FHIP2A: variants seen among roughly 807,000 people sequenced by gnomAD.
FHIP2A encodes the protein family with sequence similarity 160 member B1.
Under a neutral mutation model 93.5 loss-of-function variants are expected in FHIP2A, and 46 were observed. The ratio of observed to expected loss-of-function variants is 0.49; its 90% CI spans 0.39 to 0.63. The LOEUF (loss-of-function observed/expected upper bound fraction) is 0.63. Ranked by LOEUF, FHIP2A falls within the 20% of genes least tolerant of loss-of-function variation. FHIP2A has a pLI of 0.00. For missense variants in FHIP2A, 769 were observed against 909.7 expected, an observed-to-expected ratio of 0.85 and a Z score of 1.99; for synonymous variants, 332 against 326.5, an observed-to-expected ratio of 1.02 and a Z score of -0.18.
At chr10:114,847,836 T>C (rs1592020617) in intron 12 of FHIP2A, among the ~76,000 whole-genome samples, 2 of 150,058 alleles carry the variant, frequency 1.3e-5, no homozygotes, top group East Asian at 2.0e-4. Flanking sequence ...AACTTCCGTC[T>C]CCCGGGTTCA....
At chr10:114,846,815 A>G in intron 11 of FHIP2A, 87 bp downstream of exon 11, 1 of 1,222,898 alleles carries the variant, frequency 8.2e-7, no homozygotes, top group East Asian at 2.4e-5. Flanking sequence ...CTTATCCTCA[A>G]AAGAAATACC....
At position 114,845,501 on chromosome 10, in the gene FHIP2A, T is replaced by A. The variant is rs1243239839; in HGVS notation, c.1128+20T>A. 1 of 1,418,892 alleles carries A rather than the reference T, an allele frequency of 7.0e-7. No homozygotes were observed. Among genetic ancestry groups the A allele is most frequent in the Admixed American group, 1.8e-5 (1 of 56,298 alleles). 87.9% of individuals were successfully genotyped at this position (1,418,892 alleles called of 1,614,324 possible). A position where few individuals can be genotyped will look rare whatever the true frequency, so the allele number is the denominator to read the frequency against. On this transcript the variant is annotated intron_variant, in intron 8 of 16. Coordinates refer to ENST00000369248, the MANE Select transcript of FHIP2A (RefSeq NM_020940.4). ...CAAAAGGTTTGTAATTTTTTATTGT[T>A]TTTTGATCATTTTAAGATATAAATA...
chr10:114,841,449 C>T (rs1215802708), intron 5 of FHIP2A, among the ~76,000 whole-genome samples: 3 of 151,936 alleles, frequency 2.0e-5, no homozygotes, highest in East Asian at 1.9e-4. Flanking sequence ...CATGCCACCA[C>T]GCCCAGCTAA....
downstream of FHIP2A, among the ~76,000 whole-genome samples, chr10:114,866,710 A>T (rs1465239970): frequency 1.3e-5 from 2 of 152,232 alleles, no homozygotes; most frequent in Non-Finnish European, 2.9e-5. Flanking sequence ...TATAGTGCAC[A>T]CTGGTGAACA....
chr10:114,828,188 G>A (rs1478519063), intron 1 of FHIP2A, among the ~76,000 whole-genome samples: 2 of 152,132 alleles, frequency 1.3e-5, no homozygotes, highest in African/African-American at 4.8e-5. Flanking sequence ...TAACTCTCTA[G>A]TTAAATAGGT....
chr10:114,861,570 G>A lies in FHIP2A; in HGVS notation c.*30G>A. 2 of 1,608,400 alleles carry A rather than the reference G, an allele frequency of 1.2e-6. No individual in the cohort carries two copies. The highest frequency in any genetic ancestry group is 1.7e-6 in the Non-Finnish European group (2 of 1,178,520). On this transcript the variant is annotated 3_prime_UTR_variant, in exon 17 of 17. Coordinates refer to ENST00000369248, the MANE Select transcript of FHIP2A (RefSeq NM_020940.4). ...CATCTTTCATGTAACTGGGGGAACA[G>A]AACTACTGTGTACATTTCACCAAAA...
chr10:114,882,729 G>A (rs1310226536), intron 16 of FHIP2A, among the ~76,000 whole-genome samples: 9 of 152,224 alleles, frequency 5.9e-5, no homozygotes, highest in South Asian at 2.1e-4. Context: ...AAAAAAATTA[G>A]CCAGGCATGG....
chr10:114,875,727 A>G (rs1409687580), intron 16 of FHIP2A, among the ~76,000 whole-genome samples: 1 of 150,434 alleles, frequency 6.6e-6, no homozygotes, highest in Non-Finnish European at 1.5e-5. Flanking sequence ...AGAAAGAAAG[A>G]AAGAGAGAGA....
intron 14 of FHIP2A, 87 bp from the exon 15 acceptor site, chr10:114,860,662 T>G: frequency 8.5e-7 from 1 of 1,171,884 alleles, no homozygotes; most frequent in South Asian, 1.3e-5. Flanking sequence ...AGATTCTCCT[T>G]TCTTAAAAGA....
intron 14 of FHIP2A, among the ~76,000 whole-genome samples, chr10:114,855,592 C>T (rs940684740): frequency 6.6e-6 from 1 of 152,120 alleles, no homozygotes; most frequent in African/African-American, 2.4e-5. Flanking sequence ...TCTTAATATC[C>T]TTAACACATT....
intron 13 of FHIP2A, among the ~76,000 whole-genome samples, chr10:114,852,447 A>G (rs748518970): frequency 1.3e-5 from 2 of 152,126 alleles, no homozygotes; most frequent in Non-Finnish European, 2.9e-5. Flanking sequence ...TGGCATATCC[A>G]TCCTCCTGGT....
chr10:114,869,348 A>G (rs1444870251), downstream of FHIP2A, among the ~76,000 whole-genome samples: 4 of 152,202 alleles, frequency 2.6e-5, no homozygotes, highest in South Asian at 2.1e-4. Context: ...TTCTACTTAA[A>G]TCTCTTTATC....
chr10:114,869,875 T>C (rs1032445216), intron 16 of FHIP2A, among the ~76,000 whole-genome samples: 4 of 152,242 alleles, frequency 2.6e-5, no homozygotes, highest in African/African-American at 9.6e-5. Context: ...ATGCATAGCA[T>C]ATAATATAAT....
intron 7 of FHIP2A, among the ~76,000 whole-genome samples, chr10:114,844,272 A>G (rs959159751): frequency 1.3e-5 from 2 of 152,222 alleles, no homozygotes; most frequent in Non-Finnish European, 2.9e-5. Context: ...CACAGCCTCT[A>G]GAGCAGTCTA....
exon 17 of FHIP2A, chr10:114,899,770 C>A: frequency 2.3e-6 from 1 of 440,570 alleles, no homozygotes; most frequent in Non-Finnish European, 4.0e-6. Context: ...AAAAAGAATT[C>A]CACCACAAGT....
chr10:114,830,700 T>C (rs1374939669), intron 1 of FHIP2A, 152 bp from the exon 2 acceptor site: 4 of 455,396 alleles, frequency 8.8e-6, no homozygotes, highest in African/African-American at 2.0e-5. Flanking sequence ...ATTTGACTTA[T>C]TTTGTTTCTC....
chr10:114,869,003 G>A (rs1164367217), downstream of FHIP2A, among the ~76,000 whole-genome samples: 1 of 152,160 alleles, frequency 6.6e-6, no homozygotes, highest in African/African-American at 2.4e-5. Context: ...TGTGAGATTA[G>A]GCAAGACAAG....
chr10:114,823,394 C>T (rs988926942), intron 1 of FHIP2A, among the ~76,000 whole-genome samples: 1 of 152,194 alleles, frequency 6.6e-6, no homozygotes, highest in African/African-American at 2.4e-5. Flanking sequence ...CTTGCTTATA[C>T]ACACTCTACT....
intron 16 of FHIP2A, among the ~76,000 whole-genome samples, chr10:114,883,501 C>CT (rs1172311377): frequency 6.6e-6 from 1 of 152,140 alleles, no homozygotes; most frequent in African/African-American, 2.4e-5. Context: ...GATAAGGCAT[C>CT]TAATGGTTCT....
Sources: allele counts gnomAD v4.1 joint callset (sites outside exome capture counted in the v4.1 genomes callset), GRCh38; gene constraint gnomAD v4.1.1; transcripts MANE v1.5; gene names NCBI Gene and HGNC (gene_info 2026-07-23, HGNC 2026-07-21).